The following PITPNM2 variants were observed in gnomAD, a reference collection of about 807,000 sequenced individuals.
PITPNM2 encodes membrane-associated phosphatidylinositol transfer protein 2.
PITPNM2 carries 35 observed loss-of-function variants against 132.2 expected under a neutral mutation model. The observed-to-expected ratio is 0.26, with a 90% confidence interval of 0.20 to 0.35. The LOEUF (loss-of-function observed/expected upper bound fraction) is 0.35, where lower values mean the gene tolerates loss of function less well. Among genes scored for constraint, PITPNM2 ranks in the 10% least tolerant of loss-of-function variants. The probability of loss-of-function intolerance (pLI) is 1.00; values close to 1 mark genes in which losing one functional copy is unlikely to be tolerated. For missense variants in PITPNM2, 1,332 were observed against 1,912.0 expected, an observed-to-expected ratio of 0.70 and a Z score of 5.66; for synonymous variants, 738 against 799.2, an observed-to-expected ratio of 0.92 and a Z score of 1.29.
Position 122,987,730 on chromosome 12 carries a change from C to A in PITPNM2, c.3114+55G>T, listed in dbSNP as rs192297961. On this transcript the variant is annotated intron_variant, in intron 21 of 25. Coordinates refer to ENST00000320201, the MANE Select transcript of PITPNM2 (RefSeq NM_020845.3). ...CACCCCCTGCACCCCGGCCAGAGGG[C>A]AGCAGGGAGCTCCCCAAAGTCCCTC... 111 of 1,612,208 alleles carry A rather than the reference C, an allele frequency of 6.9e-5. No individual in the cohort carries two copies. The African/African-American group carries it at 1.4e-3, about 20-fold the overall frequency.
chr12:123,049,483 T>C (rs1464424777), intron 2 of PITPNM2, among the ~76,000 whole-genome samples: 2 of 152,182 alleles, frequency 1.3e-5, no homozygotes, highest in Non-Finnish European at 2.9e-5. Context: ...AGGAAATCAC[T>C]ATGTTAGCTC....
rs1462251944 is a variant in PITPNM2, at chr12:122,986,532, G to A, written c.3630C>T (p.Ser1210=). ...CGCTGTACACCGCCACGTCCTTGGT[G>A]GAGCCATAGGCCGCGTGCACGCGCA... ...LHLRVHAAYG[S]TKDVAVYSAI... is the part of the protein sequence containing the mutation. The change falls in exon 25 of 26, where the codon TCC becomes TCT. Residue 1210 remains serine (S), a synonymous_variant. Transcript: ENST00000320201. The A allele has an allele frequency of 6.2e-7, 1 of 1,600,250 alleles. No individual in the cohort carries two copies.
Position 123,095,446 on chromosome 12 carries a change from G to A in PITPNM2, c.-96+14939C>T, listed in dbSNP as rs916387201. Among the ~76,000 whole-genome samples, 3 of 152,118 alleles carry A rather than the reference G, an allele frequency of 2.0e-5. No individual in the cohort carries two copies. The highest frequency in any genetic ancestry group is 2.1e-4 in the South Asian group (1 of 4,832). ...TCGATTTTACAGGCTCTGTTAAAGC[G>A]CAAAGATCTTTCAGGTACTCAACAA... On this transcript the variant is annotated intron_variant, in intron 2 of 25. Coordinates refer to ENST00000320201, the MANE Select transcript of PITPNM2 (RefSeq NM_020845.3). The surrounding 1 kb of genome is among the most constrained non-coding windows in gnomAD (Gnocchi z 5.0).
intron 1 of PITPNM2, among the ~76,000 whole-genome samples, chr12:123,143,582 G>A (rs1431626113): frequency 6.6e-6 from 1 of 152,174 alleles, no homozygotes. Flanking sequence ...GGGGGCCCCA[G>A]GAACCCCCCA....
chr12:123,046,315 CTT>C (rs955534327), intron 2 of PITPNM2, among the ~76,000 whole-genome samples: 1 of 152,206 alleles, frequency 6.6e-6, no homozygotes, highest in Non-Finnish European at 1.5e-5. Flanking sequence ...GACTCTTCTT[CTT>C]GCTACTTGGT....
chr12:123,139,627 C>A (rs541592107), intron 1 of PITPNM2, among the ~76,000 whole-genome samples: 1 of 152,322 alleles, frequency 6.6e-6, no homozygotes, highest in Admixed American at 6.5e-5. Flanking sequence ...CTCCCACACA[C>A]CACATCTGCT....
At chr12:123,098,742 G>C (rs554944954) in intron 2 of PITPNM2, among the ~76,000 whole-genome samples, 1 of 152,082 alleles carries the variant, frequency 6.6e-6, no homozygotes, top group Non-Finnish European at 1.5e-5. Flanking sequence ...AGGTTGGCGA[G>C]TGAGTCCCCC....
chr12:123,109,251 A>C (rs1163655283), intron 2 of PITPNM2, among the ~76,000 whole-genome samples: 2 of 152,110 alleles, frequency 1.3e-5, no homozygotes, highest in Non-Finnish European at 2.9e-5. Flanking sequence ...CATTTAGGAA[A>C]AAAAGAAGGA....
At chr12:123,141,862 C>T (rs1182475078) in intron 1 of PITPNM2, among the ~76,000 whole-genome samples, 2 of 152,178 alleles carry the variant, frequency 1.3e-5, no homozygotes, top group African/African-American at 4.8e-5. Flanking sequence ...AAGTCATTCC[C>T]CTTTGTGGAA....
chr12:123,068,346 G>C (rs566330525), intron 2 of PITPNM2, among the ~76,000 whole-genome samples: 3 of 152,032 alleles, frequency 2.0e-5, no homozygotes, highest in Non-Finnish European at 4.4e-5. Flanking sequence ...TACTTGGGAG[G>C]CTGAGGCAGG....
chr12:123,121,136 A>G (rs941865565), intron 1 of PITPNM2, among the ~76,000 whole-genome samples: 1 of 152,222 alleles, frequency 6.6e-6, no homozygotes, highest in Non-Finnish European at 1.5e-5. Context: ...CCCAGTGAGC[A>G]GGTCAGCGCC....
intron 3 of PITPNM2, among the ~76,000 whole-genome samples, chr12:123,025,043 T>C (rs560598803): frequency 6.6e-6 from 1 of 152,324 alleles, no homozygotes; most frequent in African/African-American, 2.4e-5. Flanking sequence ...CCTCTAAGCA[T>C]CTCTCTGCCA....
intron 2 of PITPNM2, chr12:123,105,224 T>C (rs959643896): frequency 6.6e-6 from 1 of 152,196 alleles, no homozygotes; most frequent in African/African-American, 2.4e-5. Flanking sequence ...CCATCTGATG[T>C]GCTTACAGGT....
rs1566253382 is a variant in PITPNM2, at chr12:123,023,648, C to T, written c.79-9606G>A. Among the ~76,000 whole-genome samples, 1 of 152,152 alleles carries T rather than the reference C, an allele frequency of 6.6e-6. No homozygotes were observed. Among genetic ancestry groups the T allele is most frequent in the African/African-American group, 2.4e-5 (1 of 41,414 alleles). On this transcript the variant is annotated intron_variant, in intron 3 of 25. Transcript: ENST00000320201. This position sits in a 1 kb window ranked among gnomAD's most constrained non-coding sequence, Gnocchi z 4.8. ...GCCAACAGCTCATTAAAAACACGTTCTCCTAAATGTAAGGGCTCAAACTAT... is the reference window on the plus strand; with the variant it reads ...GCCAACAGCTCATTAAAAACACGTTTTCCTAAATGTAAGGGCTCAAACTAT...
Position 122,988,771 on chromosome 12 carries a change from C to T in PITPNM2, c.2833G>A (p.Ala945Thr), listed in dbSNP as rs1289976911. 5.1e-6 allele frequency: 8 copies of T among 1,577,682 alleles called. No individual in the cohort carries two copies. The highest frequency in any genetic ancestry group is 2.3e-5 in the East Asian group (1 of 43,300). The change falls in exon 19 of 26, where the codon GCC (alanine) becomes ACC (threonine). Residue 945 changes from alanine (A) to threonine (T), a missense_variant. Around this residue, in one of 6 missense-constraint regions of PITPNM2, gnomAD observed 251 missense variants for 472.0 expected, o/e 0.53. Transcript: ENST00000320201. ...ACGTCTGTTGACTCCCAGTAGCTGG[C>T]GTGGAAGAGGTGAGGCAGAGCCACC... ...PTVALPHLFH[A>T]SYWESTDVVS...
intron 8 of PITPNM2, among the ~76,000 whole-genome samples, chr12:123,002,948 A>G (rs1356179953): frequency 6.6e-6 from 1 of 152,124 alleles, no homozygotes; most frequent in Non-Finnish European, 1.5e-5. Flanking sequence ...CATGTTGCCC[A>G]GGCTGGTCTC....
rs2041859507 is a variant in PITPNM2, at chr12:123,078,465, GC to G, written c.-96+31919del. Among the ~76,000 whole-genome samples the G allele has an allele frequency of 1.3e-5, 2 of 152,230 alleles. No homozygotes were observed. The highest frequency in any genetic ancestry group is 4.8e-5 in the African/African-American group (2 of 41,462). The stretch of plus-strand genomic sequence containing the variant: ...TGGGCCCTCCGTCTCACGCCACGAT[GC>G]CCAGCCAGAGCCTGAAGTCGGGACC... On this transcript the variant is annotated intron_variant, in intron 2 of 25. Coordinates refer to ENST00000320201, the MANE Select transcript of PITPNM2 (RefSeq NM_020845.3). The surrounding 1 kb of genome is among the most constrained non-coding windows in gnomAD (Gnocchi z 7.3).
intron 2 of PITPNM2, among the ~76,000 whole-genome samples, chr12:123,069,208 C>T (rs1056338838): frequency 6.6e-6 from 1 of 151,158 alleles, no homozygotes; most frequent in Admixed American, 6.6e-5. Context: ...GATTGCACCA[C>T]TGCACTCCAG....
intron 8 of PITPNM2, among the ~76,000 whole-genome samples, chr12:123,002,606 C>T (rs923762979): frequency 6.6e-6 from 1 of 152,010 alleles, no homozygotes; most frequent in Non-Finnish European, 1.5e-5. Flanking sequence ...TTTGTAGAGA[C>T]GAGGTTTCAC....
Sources: allele counts gnomAD v4.1 joint callset (sites outside exome capture counted in the v4.1 genomes callset), GRCh38; gene constraint gnomAD v4.1.1; regional missense constraint gnomAD v4.1.1; non-coding constraint Gnocchi (gnomAD v3.1); transcripts MANE v1.5; gene names NCBI Gene and HGNC (gene_info 2026-07-23, HGNC 2026-07-21).